Variants in FGF2 observed in about 807,000 individuals in gnomAD.
FGF2 encodes the protein fibroblast growth factor 2, also known as basic fibroblast growth factor bFGF.
A neutral mutation model predicts 15.9 loss-of-function variants in FGF2; 13 were observed. The observed-to-expected ratio is 0.82, with a 90% CI of 0.53 to 1.30. The LOEUF is 1.30. Among genes scored for constraint, FGF2 ranks in the 50% most tolerant of loss-of-function variants. FGF2 has a pLI of 0.00. For synonymous variants in FGF2, 90 were observed against 78.4 expected, an observed-to-expected ratio of 1.15 and a Z score of -0.78; for missense variants, 163 against 196.9, an observed-to-expected ratio of 0.83 and a Z score of 1.03.
chr4:122,832,213 A>G (rs904082228), intron 1 of FGF2, among the ~76,000 whole-genome samples: 18 of 152,176 alleles, frequency 1.2e-4, no homozygotes, highest in Admixed American at 1.2e-3. Context: ...GTCTATGACC[A>G]TGAAACGGAG....
chr4:122,873,127 A>G (rs536999360), intron 1 of FGF2, among the ~76,000 whole-genome samples: 7 of 152,336 alleles, frequency 4.6e-5, no homozygotes, highest in African/African-American at 1.7e-4. Context: ...TTGCCCTTAT[A>G]ACTCAGCTGC....
At chr4:122,826,756 A>T, upstream of FGF2, 1 of 1,294,876 alleles carries the variant, frequency 7.7e-7, no homozygotes. Flanking sequence ...AGGAGGGAGG[A>T]GAACTGGGGG....
rs1354575102 is a variant in FGF2, at chr4:122,827,372, C to T, written c.178+20C>T. The T allele has an allele frequency of 1.2e-6, 2 of 1,612,352 alleles. No individual in the cohort carries two copies. Among genetic ancestry groups the T allele is most frequent in the Non-Finnish European group, 1.7e-6 (2 of 1,179,624 alleles). ...CTCACAGTGAGTGCCGACCCGCTCTCTCCGCCTCATTTCCATTTCGTGGGT... is the reference window on the plus strand; with the variant it reads ...CTCACAGTGAGTGCCGACCCGCTCTTTCCGCCTCATTTCCATTTCGTGGGT... On this transcript the variant is annotated intron_variant, in intron 1 of 2. Coordinates refer to ENST00000644866, the MANE Select transcript of FGF2 (RefSeq NM_001361665.2). This position sits in a 1 kb window ranked among gnomAD's most constrained non-coding sequence, Gnocchi z 4.2.
At chr4:122,832,266 T>A (rs901699168) in intron 1 of FGF2, among the ~76,000 whole-genome samples, 2 of 152,206 alleles carry the variant, frequency 1.3e-5, no homozygotes, top group Non-Finnish European at 2.9e-5. Context: ...TTTTTCTTTT[T>A]TTCTTTTTGA....
In FGF2 at chr4:122,892,820, A is replaced by C. The variant is rs917832452; in HGVS notation, c.*424A>C. On this transcript the variant is annotated 3_prime_UTR_variant, in exon 3 of 3. Coordinates refer to ENST00000644866, the MANE Select transcript of FGF2 (RefSeq NM_001361665.2). ...AGTCTACATGTTTCTAAACATATAAATGTGAATTTAATCAATTCCTTTCAT... is the reference window on the plus strand; with the variant it reads ...AGTCTACATGTTTCTAAACATATAACTGTGAATTTAATCAATTCCTTTCAT... 3.2e-6 allele frequency: 5 copies of C among 1,581,208 alleles called. No homozygotes were observed. The highest frequency in any genetic ancestry group is 4.3e-6 in the Non-Finnish European group (5 of 1,159,316).
At chr4:122,856,179 C>G (rs1189592293) in intron 1 of FGF2, among the ~76,000 whole-genome samples, 1 of 151,944 alleles carries the variant, frequency 6.6e-6, no homozygotes, top group Non-Finnish European at 1.5e-5. Context: ...TAATTGAAAC[C>G]TCTCATCAGA....
intron 1 of FGF2, among the ~76,000 whole-genome samples, chr4:122,828,385 T>G (rs544690697): frequency 6.6e-6 from 1 of 152,234 alleles, no homozygotes; most frequent in African/African-American, 2.4e-5. Context: ...CTAGAATATA[T>G]TGTAACCTGT....
In FGF2 at chr4:122,827,306, C is replaced by G; in HGVS notation, c.132C>G (p.His44Gln). The change falls in exon 1 of 3, where the codon CAC becomes CAG. Residue 44 changes from histidine (H) to glutamine (Q), a missense_variant. Coordinates refer to ENST00000644866, the MANE Select transcript of FGF2 (RefSeq NM_001361665.2). The surrounding 1 kb of genome is among the most constrained non-coding windows in gnomAD (Gnocchi z 4.2). ...ACGGGGGCTTCTTCCTGCGCATCCA[C>G]CCCGACGGCCGAGTTGACGGGGTCC... is the stretch of plus-strand genomic sequence containing the variant. ...CKNGGFFLRI[H>Q]PDGRVDGVRE... 1 of 1,613,024 alleles carries G rather than the reference C, an allele frequency of 6.2e-7. No homozygotes were observed.
At chr4:122,864,762 A>G (rs1226781285) in intron 1 of FGF2, among the ~76,000 whole-genome samples, 1 of 152,148 alleles carries the variant, frequency 6.6e-6, no homozygotes, top group Non-Finnish European at 1.5e-5. Context: ...GATGTAACAA[A>G]GTTAACTCCC....
At chr4:122,855,704 G>A (rs767280986) in intron 1 of FGF2, among the ~76,000 whole-genome samples, 15 of 152,164 alleles carry the variant, frequency 9.9e-5, no homozygotes, top group Non-Finnish European at 2.1e-4. Flanking sequence ...TTCAGTAAGC[G>A]TTGCAGGAAA....
chr4:122,865,934 A>G (rs1429529344), intron 1 of FGF2, among the ~76,000 whole-genome samples: 3 of 152,252 alleles, frequency 2.0e-5, no homozygotes, highest in Non-Finnish European at 2.9e-5. Context: ...GGAGGAATGC[A>G]TAGGTGTAAA....
chr4:122,826,797 G>A (rs1365155611), upstream of FGF2: 2 of 1,426,986 alleles, frequency 1.4e-6, no homozygotes, highest in East Asian at 2.9e-5. Flanking sequence ...GGGGGGTGGA[G>A]ATGTAGAAGA....
chr4:122,849,112 A>G (rs1345935988), intron 1 of FGF2, among the ~76,000 whole-genome samples: 4 of 152,200 alleles, frequency 2.6e-5, no homozygotes, highest in African/African-American at 7.2e-5. Flanking sequence ...TCAGAATCCT[A>G]CCAAATACAT....
intron 1 of FGF2, among the ~76,000 whole-genome samples, chr4:122,854,072 GAT>G (rs778614185): frequency 1.1e-4 from 16 of 152,150 alleles, no homozygotes; most frequent in Non-Finnish European, 2.4e-4. Context: ...GAGCATAGAA[GAT>G]ATACTAGGAA....
chr4:122,863,386 T>C (rs1317927622), intron 1 of FGF2, among the ~76,000 whole-genome samples: 1 of 152,230 alleles, frequency 6.6e-6, no homozygotes, highest in African/African-American at 2.4e-5. Flanking sequence ...AATTGGATTG[T>C]TTGATCTATA....
chr4:122,868,964 T>C (rs775919286), intron 1 of FGF2, among the ~76,000 whole-genome samples: 1 of 152,234 alleles, frequency 6.6e-6, no homozygotes, highest in African/African-American at 2.4e-5. Flanking sequence ...TTGATGAGGT[T>C]GTTTTTTTCT....
chr4:122,862,786 TA>T (rs1389383189), intron 1 of FGF2, among the ~76,000 whole-genome samples: 1 of 152,202 alleles, frequency 6.6e-6, no homozygotes, highest in Non-Finnish European at 1.5e-5. Flanking sequence ...TACAATATTT[TA>T]AAAAATTGAA....
intron 1 of FGF2, among the ~76,000 whole-genome samples, chr4:122,866,559 A>G (rs1726595641): frequency 6.6e-6 from 1 of 152,220 alleles, no homozygotes; most frequent in African/African-American, 2.4e-5. Context: ...AGGTAACCAA[A>G]TAGCCAATAA....
At chr4:122,870,875 AGTTT>A (rs1245185494) in intron 1 of FGF2, among the ~76,000 whole-genome samples, 1 of 151,632 alleles carries the variant, frequency 6.6e-6, no homozygotes, top group Non-Finnish European at 1.5e-5. Flanking sequence ...CTTTTGGATT[AGTTT>A]GTTCTTCCCT....
Sources: allele counts gnomAD v4.1 joint callset (sites outside exome capture counted in the v4.1 genomes callset), GRCh38; gene constraint gnomAD v4.1.1; non-coding constraint Gnocchi (gnomAD v3.1); transcripts MANE v1.5; gene names NCBI Gene and HGNC (gene_info 2026-07-23, HGNC 2026-07-21).